Variants in GFRA1 observed in about 807,000 individuals in gnomAD.
GFRA1 encodes GDNF family receptor alpha-1.
A neutral mutation model predicts 51.6 loss-of-function variants in GFRA1; 16 were observed. That is an observed-to-expected ratio of 0.31 (90% CI 0.21 to 0.47). The LOEUF (loss-of-function observed/expected upper bound fraction) is 0.47, where lower values mean the gene tolerates loss of function less well. GFRA1 is among the 20% of genes least tolerant of loss of function. The pLI is 1.00. For missense variants in GFRA1, 530 were observed against 594.3 expected, an observed-to-expected ratio of 0.89 and a Z score of 1.13; for synonymous variants, 270 against 241.3, an observed-to-expected ratio of 1.12 and a Z score of -1.10.
chr10:116,130,175 C>T (rs1210466383), intron 5 of GFRA1, among the ~76,000 whole-genome samples: 1 of 151,302 alleles, frequency 6.6e-6, no homozygotes, highest in Non-Finnish European at 1.5e-5. Flanking sequence ...AATTGAAGAC[C>T]TGATAAATGG....
At chr10:116,067,587 A>T (rs1955173247) in intron 9 of GFRA1, among the ~76,000 whole-genome samples, 1 of 152,180 alleles carries the variant, frequency 6.6e-6, no homozygotes, top group Admixed American at 6.5e-5. Context: ...TGTTTTATTC[A>T]TTGTATACTC....
At chr10:116,183,338 C>T (rs978381444) in intron 5 of GFRA1, among the ~76,000 whole-genome samples, 2 of 152,206 alleles carry the variant, frequency 1.3e-5, no homozygotes, top group Non-Finnish European at 2.9e-5. Flanking sequence ...TTCTAACAGC[C>T]TATCCTCACT....
At chr10:116,098,978 T>G (rs1415468589) in intron 6 of GFRA1, among the ~76,000 whole-genome samples, 1 of 152,108 alleles carries the variant, frequency 6.6e-6, no homozygotes, top group African/African-American at 2.4e-5. Flanking sequence ...CCACAGCCAG[T>G]GGATGGGAAG....
At chr10:116,181,279 G>C (rs540350542) in intron 5 of GFRA1, among the ~76,000 whole-genome samples, 1 of 152,302 alleles carries the variant, frequency 6.6e-6, no homozygotes, top group South Asian at 2.1e-4. Flanking sequence ...TACAGAATGA[G>C]AGAATGGGGC....
chr10:116,175,209 G>A (rs1295572722), intron 5 of GFRA1, among the ~76,000 whole-genome samples: 3 of 152,182 alleles, frequency 2.0e-5, no homozygotes, highest in Non-Finnish European at 4.4e-5. Flanking sequence ...TGCGGCAGCC[G>A]GCAGAAATGT....
chr10:116,245,580 A>G (rs1287793799), intron 4 of GFRA1, among the ~76,000 whole-genome samples: 3 of 152,234 alleles, frequency 2.0e-5, no homozygotes, highest in Non-Finnish European at 4.4e-5. Context: ...ACTCTTAGGT[A>G]CTTACCCAAC....
intron 8 of GFRA1, among the ~76,000 whole-genome samples, chr10:116,092,140 T>C (rs980974477): frequency 7.9e-5 from 6 of 76,104 alleles, no homozygotes; most frequent in South Asian, 5.8e-4. Context: ...CACACACACA[T>C]TTTCAGTCGA....
At chr10:116,255,707 A>C in intron 4 of GFRA1, 1 of 1,288,786 alleles carries the variant, frequency 7.8e-7, no homozygotes, top group African/African-American at 1.5e-5. Context: ...CCTGCATCCT[A>C]GTTCTCTTCC....
chr10:116,136,401 CAT>C (rs1236209523), intron 5 of GFRA1, among the ~76,000 whole-genome samples: 1 of 152,160 alleles, frequency 6.6e-6, no homozygotes, highest in Non-Finnish European at 1.5e-5. Context: ...AAAGGCTAAA[CAT>C]GTCTTTAAAA....
At chr10:116,119,465 G>C (rs989041165) in intron 6 of GFRA1, among the ~76,000 whole-genome samples, 1 of 152,176 alleles carries the variant, frequency 6.6e-6, no homozygotes, top group Non-Finnish European at 1.5e-5. Flanking sequence ...TCATATTCTA[G>C]AAACTTTCTT....
At chr10:116,260,989 T>A (rs970278632) in intron 4 of GFRA1, among the ~76,000 whole-genome samples, 1 of 152,170 alleles carries the variant, frequency 6.6e-6, no homozygotes, top group African/African-American at 2.4e-5. Context: ...CCAAGAAATA[T>A]GAAAATTAAC....
At chr10:116,147,280 G>C (rs1958844238) in intron 5 of GFRA1, among the ~76,000 whole-genome samples, 1 of 152,172 alleles carries the variant, frequency 6.6e-6, no homozygotes. Flanking sequence ...TGCAGAAATA[G>C]CTTTGAGAGA....
intron 6 of GFRA1, among the ~76,000 whole-genome samples, chr10:116,118,870 G>A (rs1831089019): frequency 6.6e-6 from 1 of 152,224 alleles, no homozygotes; most frequent in Admixed American, 6.5e-5. Context: ...AGCTTGGGCA[G>A]ATGCAGGGAG....
At position 116,200,361 on chromosome 10, in the gene GFRA1, G is replaced by A. The variant is rs1450042935; in HGVS notation, c.433+11270C>T. ...GACGAATTTCCTGGGTCTGAACTCA[G>A]ATTCAGTCCTTCACTAGCTGTAAGA... On this transcript the variant is annotated intron_variant, in intron 5 of 10. Transcript: ENST00000355422. Among the ~76,000 whole-genome samples the A allele has an allele frequency of 3.3e-5, 5 of 152,178 alleles. No homozygotes were observed. The East Asian group carries it at 9.6e-4, about 29-fold the overall frequency.
In GFRA1 at chr10:116,064,316, A is replaced by AT. The variant is rs1168143182; in HGVS notation, c.*81dup. ...TTCTCAACTGAGCTCCTAAACTGGA[A>AT]TTTCAGCTATACAAGAGAACAGGAA... On this transcript the variant is annotated 3_prime_UTR_variant, in exon 11 of 11. Transcript: ENST00000355422. The AT allele has an allele frequency of 1.7e-5, 21 of 1,268,674 alleles. No individual in the cohort carries two copies. Among genetic ancestry groups the AT allele is most frequent in the Admixed American group, 3.7e-5 (2 of 53,642 alleles). The allele number at this position is 1,268,674 out of a possible 1,614,324, so 78.6% of individuals were successfully genotyped here.
At chr10:116,103,769 TTC>T (rs774696605) in intron 6 of GFRA1, among the ~76,000 whole-genome samples, 41 of 152,346 alleles carry the variant, frequency 2.7e-4, no homozygotes, top group South Asian at 1.2e-3. Flanking sequence ...TTTTTCCTCT[TTC>T]TGTTTTTAGA....
At chr10:116,128,870 G>A (rs1396026472) in intron 5 of GFRA1, among the ~76,000 whole-genome samples, 1 of 151,586 alleles carries the variant, frequency 6.6e-6, no homozygotes, top group African/African-American at 2.4e-5. Flanking sequence ...TTTTAAAAAG[G>A]CTTTGTACAA....
chr10:116,206,622 CTTTTT>C (rs5788142), intron 5 of GFRA1, among the ~76,000 whole-genome samples: 23 of 84,502 alleles, frequency 2.7e-4, no homozygotes, highest in African/African-American at 5.6e-4. Flanking sequence ...ACCACATTCT[CTTTTT>C]TTTTTTTTTT....
intron 4 of GFRA1, among the ~76,000 whole-genome samples, chr10:116,267,907 C>T (rs1969789911): frequency 6.6e-6 from 1 of 150,966 alleles, no homozygotes; most frequent in South Asian, 2.1e-4. Context: ...AACTCGTATC[C>T]TTATATCTTA....
Sources: gnomAD v4.1 joint callset for allele counts (sites outside exome capture counted in the v4.1 genomes callset) on GRCh38, gnomAD v4.1.1 for gene constraint, MANE v1.5 for transcripts, NCBI Gene and HGNC (gene_info 2026-07-23, HGNC 2026-07-21) for gene names.